Variants in WWOX observed in about 807,000 individuals in gnomAD.
WWOX encodes the protein WW domain containing oxidoreductase, also known as WW domain-containing oxidoreductase.
In WWOX, 69 loss-of-function variants were observed where a neutral mutation model predicts 46.2. The observed-to-expected ratio is 1.49, with a 90% confidence interval of 1.23 to 1.82. The LOEUF is 1.82. Ranked by LOEUF, WWOX falls within the 40% of genes most tolerant of loss-of-function variation. The probability of loss-of-function intolerance (pLI) is 0.00; values close to 1 mark genes in which losing one functional copy is unlikely to be tolerated. For missense variants in WWOX, 919 were observed against 542.6 expected (o/e 1.69, Z -6.89); for synonymous variants, 359 against 202.6 (o/e 1.77, Z -6.56).
intron 6 of WWOX, among the ~76,000 whole-genome samples, chr16:78,405,895 C>T (rs917945154): frequency 8.5e-4 from 129 of 152,250 alleles, no homozygotes; most frequent in Middle Eastern, 3.4e-3. Context: ...AGTGAGTTTT[C>T]CCTGTCACGC....
At chr16:78,723,572 CT>C (rs199690366) in intron 8 of WWOX, among the ~76,000 whole-genome samples, 1 of 33,082 alleles carries the variant, frequency 3.0e-5, no homozygotes, top group Non-Finnish European at 5.4e-5. Flanking sequence ...CTTTTCTTTT[CT>C]TTTCTTTTCT....
At chr16:78,657,099 A>C (rs898612531) in intron 8 of WWOX, among the ~76,000 whole-genome samples, 6 of 152,100 alleles carry the variant, frequency 3.9e-5, no homozygotes, top group Admixed American at 3.9e-4. Flanking sequence ...CAATTGCGCA[A>C]TTCACACACC....
chr16:78,830,220 A>T (rs776802551), intron 8 of WWOX, among the ~76,000 whole-genome samples: 18 of 152,354 alleles, frequency 1.2e-4, no homozygotes, highest in Admixed American at 5.9e-4. Flanking sequence ...AGCAGTGTTA[A>T]CATTCTAGTA....
At chr16:78,716,680 A>C (rs967680419) in intron 8 of WWOX, among the ~76,000 whole-genome samples, 1 of 152,008 alleles carries the variant, frequency 6.6e-6, no homozygotes, top group Admixed American at 6.6e-5. Context: ...CATCACACCC[A>C]AGGAGAATCA....
chr16:78,423,162 G>A (rs572591549), intron 6 of WWOX, among the ~76,000 whole-genome samples: 1 of 152,136 alleles, frequency 6.6e-6, no homozygotes, highest in African/African-American at 2.4e-5. Context: ...TGAGATTACA[G>A]GCGTGAGCCG....
chr16:78,688,473 C>G (rs995741114), intron 8 of WWOX, among the ~76,000 whole-genome samples: 1 of 151,974 alleles, frequency 6.6e-6, no homozygotes, highest in Non-Finnish European at 1.5e-5. Flanking sequence ...GCATATTAAC[C>G]CACCATATTG....
intron 8 of WWOX, among the ~76,000 whole-genome samples, chr16:78,869,118 A>G (rs748091068): frequency 6.6e-6 from 1 of 152,212 alleles, no homozygotes; most frequent in Non-Finnish European, 1.5e-5. Context: ...TTAGAATGAA[A>G]TTTTAAATAC....
chr16:78,487,603 A>C (rs2738700), intron 8 of WWOX, among the ~76,000 whole-genome samples: 1 of 152,096 alleles, frequency 6.6e-6, no homozygotes, highest in African/African-American at 2.4e-5. Flanking sequence ...AAGGTGGGTC[A>C]TTTGTACTGG....
At chr16:78,278,167 G>T (rs955342335) in intron 5 of WWOX, among the ~76,000 whole-genome samples, 3 of 152,188 alleles carry the variant, frequency 2.0e-5, no homozygotes, top group African/African-American at 7.2e-5. Context: ...GGAAAGGCAG[G>T]CAGTGCGAAA....
intron 5 of WWOX, among the ~76,000 whole-genome samples, chr16:78,234,242 T>C (rs1217273052): frequency 6.6e-6 from 1 of 152,212 alleles, no homozygotes; most frequent in South Asian, 2.1e-4. Context: ...ATGTTCAAAA[T>C]GCTCTAATCC....
intron 8 of WWOX, among the ~76,000 whole-genome samples, chr16:79,099,496 G>A (rs2049146429): frequency 6.6e-6 from 1 of 152,050 alleles, no homozygotes; most frequent in African/African-American, 2.4e-5. Context: ...TGTCATATGA[G>A]GATACACAAC....
intron 8 of WWOX, among the ~76,000 whole-genome samples, chr16:78,460,137 C>T (rs1268740013): frequency 1.3e-5 from 2 of 151,884 alleles, no homozygotes; most frequent in Non-Finnish European, 2.9e-5. Context: ...CCTTCCCTCC[C>T]TTCCCCACCC....
chr16:79,077,805 G>A (rs2048686988), intron 8 of WWOX: 1 of 152,154 alleles, frequency 6.6e-6, no homozygotes, highest in Admixed American at 6.5e-5. Flanking sequence ...AAAGATTGAA[G>A]TTTGTATTCT....
In WWOX at chr16:78,321,404, G is replaced by A. The variant is rs926728410; in HGVS notation, c.517-65456G>A. 2.3e-4 allele frequency among the ~76,000 whole-genome samples: 27 copies of A among 119,746 alleles called. 1 individual carries two copies. The highest frequency in any genetic ancestry group is 8.0e-4 in the African/African-American group (24 of 30,168). The allele number at this position is 119,746 out of a possible 152,430, so 78.6% of individuals were successfully genotyped here. A position where few individuals can be genotyped will look rare whatever the true frequency, so the allele number is the denominator to read the frequency against. ...TGCGTATATATATACGTATATATACGTATATATATATGTGTGTATATATAT... is the reference window on the plus strand; with the variant it reads ...TGCGTATATATATACGTATATATACATATATATATATGTGTGTATATATAT... On this transcript the variant is annotated intron_variant, in intron 5 of 8. Coordinates refer to ENST00000566780, the MANE Select transcript of WWOX (RefSeq NM_016373.4).
intron 8 of WWOX, among the ~76,000 whole-genome samples, chr16:78,631,065 A>G (rs1597372205): frequency 6.6e-6 from 1 of 152,322 alleles, no homozygotes; most frequent in Non-Finnish European, 1.5e-5. Flanking sequence ...TAAGTAATCT[A>G]GAGATGATTT....
intron 4 of WWOX, chr16:78,123,480 TGAAGTC>T (rs2033221751): frequency 1.5e-5 from 2 of 131,782 alleles, no homozygotes; most frequent in Non-Finnish European, 3.2e-5. Flanking sequence ...TTTTTTGAGA[TGAAGTC>T]TTCCTCTGTT....
At chr16:78,436,637 G>A (rs2083341471) in intron 8 of WWOX, among the ~76,000 whole-genome samples, 1 of 152,160 alleles carries the variant, frequency 6.6e-6, no homozygotes, top group Non-Finnish European at 1.5e-5. Context: ...GTCACTTCAT[G>A]CAGAGGTGGA....
At chr16:78,894,515 C>G (rs1054196345) in intron 8 of WWOX, among the ~76,000 whole-genome samples, 1 of 152,218 alleles carries the variant, frequency 6.6e-6, no homozygotes, top group South Asian at 2.1e-4. Flanking sequence ...TGGCTTTCTG[C>G]TCTACCTAGT....
intron 8 of WWOX, among the ~76,000 whole-genome samples, chr16:78,840,813 A>G (rs184156822): frequency 5.4e-4 from 82 of 151,916 alleles, no homozygotes; most frequent in Non-Finnish European, 9.4e-4. Context: ...AGGTATATAT[A>G]TTTGTGGTCT....
Sources: allele counts gnomAD v4.1 joint callset (sites outside exome capture counted in the v4.1 genomes callset), GRCh38; gene constraint gnomAD v4.1.1; transcripts MANE v1.5; gene names NCBI Gene and HGNC (gene_info 2026-07-23, HGNC 2026-07-21).